WLS: variants seen among roughly 807,000 people sequenced by gnomAD.
The protein encoded by WLS is protein wntless homolog.
In WLS, 23 loss-of-function variants were observed where a neutral mutation model predicts 62.8. The observed-to-expected ratio is 0.37, with a 90% CI of 0.26 to 0.52. WLS has a LOEUF of 0.52. Ranked by LOEUF, WLS falls within the 20% of genes least tolerant of loss-of-function variation. The probability of loss-of-function intolerance (pLI) is 0.92; values close to 1 mark genes in which losing one functional copy is unlikely to be tolerated. For missense variants in WLS, 615 were observed against 697.3 expected (o/e 0.88, Z 1.33); for synonymous variants, 246 against 244.1 (o/e 1.01, Z -0.07).
At chr1:68,149,082 G>A (rs193076145) in intron 6 of WLS, among the ~76,000 whole-genome samples, 5 of 152,332 alleles carry the variant, frequency 3.3e-5, no homozygotes, top group African/African-American at 1.2e-4. Context: ...TATGTAAAGT[G>A]TGTCTATTAT....
chr1:68,190,796 G>T (rs752671638), intron 2 of WLS, among the ~76,000 whole-genome samples: 1 of 152,130 alleles, frequency 6.6e-6, no homozygotes. Flanking sequence ...GGTGGCTCAC[G>T]CCTGTAATCC....
chr1:68,142,339 GCCTTTTATGC>G (rs879590472), intron 10 of WLS, among the ~76,000 whole-genome samples: 1 of 152,182 alleles, frequency 6.6e-6, no homozygotes, highest in Non-Finnish European at 1.5e-5. Context: ...TCTTGAAATT[GCCTTTTATGC>G]CTCAACCCAT....
At chr1:68,187,217 A>G (rs1382522940) in intron 2 of WLS, among the ~76,000 whole-genome samples, 3 of 149,442 alleles carry the variant, frequency 2.0e-5, no homozygotes, top group Admixed American at 6.7e-5. Flanking sequence ...AAAAATTAGC[A>G]GCCAAAATGT....
chr1:68,194,710 G>A (rs190616981), intron 1 of WLS, among the ~76,000 whole-genome samples: 1 of 152,154 alleles, frequency 6.6e-6, no homozygotes, highest in South Asian at 2.1e-4. Flanking sequence ...TCTGAGAAAC[G>A]GAAGAGTTTC....
chr1:68,148,638 A>T lies in WLS; in HGVS notation c.995T>A (p.Ile332Asn), dbSNP rs768536303. 3 of 1,614,054 alleles carry T rather than the reference A, an allele frequency of 1.9e-6. No individual in the cohort carries two copies. The highest frequency in any genetic ancestry group is 3.3e-5 in the Admixed American group (2 of 60,020). The change falls in exon 7 of 12, where the codon ATC becomes AAC. Residue 332 changes from isoleucine (I) to asparagine (N), a missense_variant. Ile to Asn is a moderately radical substitution (Grantham distance 149). Transcript: ENST00000262348. Reference protein sequence around the residue: ...HMMDQHERNHIAGYWKQVGPI... With the variant: ...HMMDQHERNHNAGYWKQVGPI... ...TCCGACTTGCTTCCAATACCCTGCGATGTGGTTCCGCTCGTGCTGATCCTG... is the reference window on the plus strand; with the variant it reads ...TCCGACTTGCTTCCAATACCCTGCGTTGTGGTTCCGCTCGTGCTGATCCTG...
At chr1:68,098,712 A>G in exon 12 of WLS, 4 of 1,614,000 alleles carry the variant, frequency 2.5e-6, no homozygotes, top group Non-Finnish European at 3.4e-6. Context: ...TCCGAAACAA[A>G]CAAAGCACAA....
At chr1:68,144,765 G>T in intron 9 of WLS, 113 bp from the exon 10 acceptor site, 1 of 805,716 alleles carries the variant, frequency 1.2e-6, no homozygotes, top group Non-Finnish European at 1.9e-6. Flanking sequence ...AAATCCCTAA[G>T]AATGACAGTA....
intron 5 of WLS, among the ~76,000 whole-genome samples, chr1:68,152,451 G>T (rs961833106): frequency 6.6e-6 from 1 of 152,114 alleles, no homozygotes; most frequent in Non-Finnish European, 1.5e-5. Context: ...TCTAAATGCT[G>T]GTCAGCAAAG....
At chr1:68,166,580 C>T (rs965896273) in intron 2 of WLS, among the ~76,000 whole-genome samples, 23 of 152,204 alleles carry the variant, frequency 1.5e-4, no homozygotes, top group African/African-American at 5.5e-4. Context: ...AAGCTAACAG[C>T]TGAATCAAGC....
In WLS at chr1:68,144,577, C is replaced by T. The variant is rs778142595; in HGVS notation, c.1354G>A (p.Val452Ile). ...CAAMTVIFFI[V>I]SQVTEGHWKW... ...TCTCAGGGTCCACTTACCTGACTAA[C>T]GATGAAGAAGATGACAGTCATGGCA... is the stretch of plus-strand genomic sequence containing the variant. The change falls in exon 10 of 12, where the codon GTT becomes ATT. Residue 452 changes from valine to isoleucine, a missense_variant. Coordinates refer to ENST00000262348, the MANE Select transcript of WLS (RefSeq NM_024911.7). 12 of 1,613,326 alleles carry T rather than the reference C, an allele frequency of 7.4e-6. No homozygotes were observed. Among genetic ancestry groups the T allele is most frequent in the South Asian group, 2.2e-5 (2 of 91,060 alleles).
At chr1:68,110,780 T>C (rs1243310851) in intron 11 of WLS, among the ~76,000 whole-genome samples, 13 of 151,818 alleles carry the variant, frequency 8.6e-5, no homozygotes. Context: ...ATAAAGGATA[T>C]TGTGTTGTAG....
At chr1:68,111,863 T>A (rs74081372) in intron 11 of WLS, among the ~76,000 whole-genome samples, 1 of 152,300 alleles carries the variant, frequency 6.6e-6, no homozygotes, top group African/African-American at 2.4e-5. Flanking sequence ...TTAGTTGAAT[T>A]CAATTGAAGT....
intron 11 of WLS, chr1:68,117,572 A>G (rs747928234): frequency 6.6e-6 from 1 of 152,408 alleles, no homozygotes; most frequent in Non-Finnish European, 1.5e-5. Context: ...GCTTCCTGGG[A>G]GCTCCAGGGA....
Position 68,148,647 on chromosome 1 carries a change from C to T in WLS, c.986G>A (p.Arg329Gln), listed in dbSNP as rs150664610. ...CTTCCAATACCCTGCGATGTGGTTC[C>T]GCTCGTGCTGATCCTGAGGAAAACC... is the stretch of plus-strand genomic sequence containing the variant. Reference protein sequence around the residue: ...CGEHMMDQHERNHIAGYWKQV... With the variant: ...CGEHMMDQHEQNHIAGYWKQV... Residue 329 changes from arginine (R) to glutamine (Q), a missense_variant, in exon 7 of 12, where the codon CGG (arginine) becomes CAG (glutamine). Physicochemically the swap from Arg to Gln is conservative, Grantham distance 43. Transcript: ENST00000262348. 65 of 1,613,866 alleles carry T rather than the reference C, an allele frequency of 4.0e-5. No homozygotes were observed. The highest frequency in any genetic ancestry group is 1.9e-4 in the South Asian group (17 of 90,952).
At chr1:68,230,749 G>C (rs913464840) in intron 1 of WLS, among the ~76,000 whole-genome samples, 1 of 152,120 alleles carries the variant, frequency 6.6e-6, no homozygotes, top group Non-Finnish European at 1.5e-5. Flanking sequence ...GTCTCCTTTA[G>C]GTATTTCTCT....
chr1:68,098,781 A>G (rs1459672158), intron 11 of WLS: 1 of 1,605,052 alleles, frequency 6.2e-7, no homozygotes, highest in South Asian at 1.1e-5. Flanking sequence ...TTTTAAAACC[A>G]TGCAAAATAT....
At chr1:68,146,157 G>C (rs1288206650) in intron 8 of WLS, 145 bp from the exon 9 acceptor site, 1 of 888,642 alleles carries the variant, frequency 1.1e-6, no homozygotes, top group Non-Finnish European at 1.7e-6. Flanking sequence ...ATTAAAACCT[G>C]ATATTCTAAT....
chr1:68,100,801 T>C (rs1237093269), intron 11 of WLS: 1 of 152,192 alleles, frequency 6.6e-6, no homozygotes, highest in Non-Finnish European at 1.5e-5. Flanking sequence ...ACACCCTTCC[T>C]CTTAAGGAAT....
intron 4 of WLS, 45 bp from the exon 5 acceptor site, chr1:68,153,698 G>C (rs1388198717): frequency 6.2e-7 from 1 of 1,611,194 alleles, no homozygotes; most frequent in Non-Finnish European, 8.5e-7. Context: ...TATTATCTTA[G>C]CATTTCCTTC....
Sources: gnomAD v4.1 joint callset for allele counts (sites outside exome capture counted in the v4.1 genomes callset) on GRCh38, gnomAD v4.1.1 for gene constraint, MANE v1.5 for transcripts, NCBI Gene and HGNC (gene_info 2026-07-23, HGNC 2026-07-21) for gene names.